Variants in GALNT17 observed in about 807,000 individuals in gnomAD.
GALNT17 encodes the protein polypeptide N-acetylgalactosaminyltransferase 17, also known as UDP-GalNAc:polypeptide N-acetylgalactosaminyltransferase-like 3.
A neutral mutation model predicts 63.7 loss-of-function variants in GALNT17; 29 were observed. The ratio of observed to expected loss-of-function variants is 0.46; its 90% CI spans 0.34 to 0.62. GALNT17 has a LOEUF of 0.62. Among genes scored for constraint, GALNT17 ranks in the 20% least tolerant of loss-of-function variants. The pLI, the probability that GALNT17 is intolerant of heterozygous loss-of-function variation, is 0.01. For synonymous variants in GALNT17, 305 were observed against 318.3 expected, an observed-to-expected ratio of 0.96 and a Z score of 0.45; for missense variants, 603 against 799.6, an observed-to-expected ratio of 0.75 and a Z score of 2.97.
At chr7:71,497,044 G>GA (rs2116690362) in intron 5 of GALNT17, among the ~76,000 whole-genome samples, 1 of 152,252 alleles carries the variant, frequency 6.6e-6, no homozygotes, top group South Asian at 2.1e-4. Flanking sequence ...AGCCACTGGT[G>GA]ACACAGTGAG....
At chr7:71,229,581 C>A (rs1020000081) in intron 1 of GALNT17, among the ~76,000 whole-genome samples, 1 of 152,174 alleles carries the variant, frequency 6.6e-6, no homozygotes, top group Admixed American at 6.5e-5. Context: ...CATTTAGGGA[C>A]ACTTGTGATC....
intron 6 of GALNT17, among the ~76,000 whole-genome samples, chr7:71,649,788 T>G (rs1790730577): frequency 1.3e-5 from 2 of 152,200 alleles, no homozygotes; most frequent in African/African-American, 4.8e-5. Flanking sequence ...AGTGCACCTG[T>G]GTACCCTGAT....
chr7:71,644,968 A>G (rs1193565981), intron 6 of GALNT17, among the ~76,000 whole-genome samples: 1 of 152,140 alleles, frequency 6.6e-6, no homozygotes, highest in Non-Finnish European at 1.5e-5. Flanking sequence ...TGGCTCCTCC[A>G]TCATCAACAG....
intron 5 of GALNT17, among the ~76,000 whole-genome samples, chr7:71,552,490 G>C (rs1789097547): frequency 6.6e-6 from 1 of 151,368 alleles, no homozygotes; most frequent in Admixed American, 6.6e-5. Flanking sequence ...GCCCAGGCTG[G>C]AGTGCAGTGG....
chr7:71,172,170 A>T (rs576348952), intron 1 of GALNT17, among the ~76,000 whole-genome samples: 2 of 152,168 alleles, frequency 1.3e-5, no homozygotes, highest in Non-Finnish European at 2.9e-5. Flanking sequence ...TGTGTTCATC[A>T]TAACTATGGA....
At chr7:71,401,281 C>T (rs1278908163) in intron 3 of GALNT17, among the ~76,000 whole-genome samples, 2 of 151,868 alleles carry the variant, frequency 1.3e-5, no homozygotes, top group African/African-American at 4.8e-5. Context: ...ATTTTTAGTA[C>T]AGATGGTGAT....
chr7:71,585,572 C>T (rs1789702732), intron 6 of GALNT17, among the ~76,000 whole-genome samples: 1 of 151,904 alleles, frequency 6.6e-6, no homozygotes, highest in Non-Finnish European at 1.5e-5. Flanking sequence ...GTCATAGCAC[C>T]CTCTTAAGAT....
intron 2 of GALNT17, among the ~76,000 whole-genome samples, chr7:71,371,814 C>A (rs1378867136): frequency 6.6e-6 from 1 of 152,112 alleles, no homozygotes; most frequent in Non-Finnish European, 1.5e-5. Flanking sequence ...TAGGAAAGGA[C>A]CCCCAACACC....
chr7:71,397,299 T>C (rs1294751442), intron 3 of GALNT17, among the ~76,000 whole-genome samples: 1 of 152,166 alleles, frequency 6.6e-6, no homozygotes, highest in Non-Finnish European at 1.5e-5. Flanking sequence ...TGGGCTATTG[T>C]GTGGACCAGG....
chr7:71,669,194 G>C lies in GALNT17; in HGVS notation c.1267-778G>C, dbSNP rs774975490. On this transcript the variant is annotated intron_variant, in intron 7 of 10. Coordinates refer to ENST00000333538, the MANE Select transcript of GALNT17 (RefSeq NM_022479.3). ...TAGGAAGGAGGATTCCCTGGCCTGG[G>C]TCTGGATGAATCAAATAGGTCTCCT... Among the ~76,000 whole-genome samples, 7 of 152,072 alleles carry C rather than the reference G, an allele frequency of 4.6e-5. No individual in the cohort carries two copies. The South Asian group carries it at 8.3e-4, about 18-fold the overall frequency.
intron 8 of GALNT17, among the ~76,000 whole-genome samples, chr7:71,674,508 G>C (rs925636690): frequency 2.0e-5 from 3 of 151,920 alleles, no homozygotes; most frequent in African/African-American, 7.3e-5. Context: ...ACTGCTGTTG[G>C]CTCTAGACAA....
At chr7:71,596,530 C>T (rs922504762) in intron 6 of GALNT17, among the ~76,000 whole-genome samples, 18 of 151,986 alleles carry the variant, frequency 1.2e-4, no homozygotes, top group African/African-American at 3.9e-4. Flanking sequence ...CAGGGCTTCT[C>T]TAGTGAAATG....
At chr7:71,213,617 A>C (rs1789422304) in intron 1 of GALNT17, among the ~76,000 whole-genome samples, 1 of 152,210 alleles carries the variant, frequency 6.6e-6, no homozygotes, top group African/African-American at 2.4e-5. Context: ...ATCCCTGAGA[A>C]TACTTTTTAT....
chr7:71,594,415 G>T (rs1050488610), intron 6 of GALNT17, among the ~76,000 whole-genome samples: 1 of 152,076 alleles, frequency 6.6e-6, no homozygotes, highest in Admixed American at 6.5e-5. Context: ...TCAGCCTCCT[G>T]AGTAGCTGGG....
chr7:71,263,577 G>C (rs2115642938), intron 1 of GALNT17, among the ~76,000 whole-genome samples: 1 of 152,262 alleles, frequency 6.6e-6, no homozygotes, highest in African/African-American at 2.4e-5. Context: ...GCCTCTGAAA[G>C]AGTGGGTCAC....
intron 1 of GALNT17, among the ~76,000 whole-genome samples, chr7:71,312,891 A>G (rs1009880762): frequency 7.2e-5 from 11 of 152,132 alleles, no homozygotes; most frequent in African/African-American, 1.4e-4. Context: ...AGGAGGATCA[A>G]TTGAAGCCAG....
chr7:71,641,212 C>T (rs527551191), intron 6 of GALNT17, among the ~76,000 whole-genome samples: 58 of 152,284 alleles, frequency 3.8e-4, no homozygotes, highest in African/African-American at 1.3e-3. Context: ...AGTCTTCTTA[C>T]ACTTCTTGGG....
chr7:71,140,921 T>C (rs1787876689), intron 1 of GALNT17, among the ~76,000 whole-genome samples: 1 of 152,074 alleles, frequency 6.6e-6, no homozygotes, highest in South Asian at 2.1e-4. Flanking sequence ...CTCGAGAGGC[T>C]GAGGTGGGAG....
chr7:71,140,803 CTTGAGACCAGGAGT>C (rs931251282), intron 1 of GALNT17, among the ~76,000 whole-genome samples: 2 of 148,522 alleles, frequency 1.3e-5, no homozygotes, highest in Non-Finnish European at 3.0e-5. Flanking sequence ...GGAAGGATGG[CTTGAGACCAGGAGT>C]TTGAGACTAG....
Sources: allele counts gnomAD v4.1 joint callset (sites outside exome capture counted in the v4.1 genomes callset), GRCh38; gene constraint gnomAD v4.1.1; transcripts MANE v1.5; gene names NCBI Gene and HGNC (gene_info 2026-07-23, HGNC 2026-07-21).